Variants in SAMD12 observed in about 807,000 individuals in gnomAD.
SAMD12 encodes the protein sterile alpha motif domain containing 12, also known as sterile alpha motif domain-containing protein 12.
SAMD12 carries 9 observed loss-of-function variants against 15.0 expected under a neutral mutation model. The observed-to-expected ratio is 0.60, with a 90% CI of 0.36 to 1.05. SAMD12 has a LOEUF of 1.05. Among genes scored for constraint, SAMD12 ranks in the 50% least tolerant of loss-of-function variants. SAMD12 has a pLI of 0.01. For missense variants in SAMD12, 230 were observed against 234.2 expected (o/e 0.98, Z 0.12); for synonymous variants, 86 against 90.1 (o/e 0.96, Z 0.25).
chr8:118,474,682 C>T (rs1823904107), intron 2 of SAMD12, among the ~76,000 whole-genome samples: 1 of 128,306 alleles, frequency 7.8e-6, no homozygotes, highest in Non-Finnish European at 1.8e-5. Flanking sequence ...CCACCACGCC[C>T]AGCTTTAAAA....
chr8:118,520,366 T>C lies in SAMD12; in HGVS notation c.192+60349A>G, dbSNP rs369778922. ...AACTGGCAGGCATGGTAAGAGATCA[T>C]ACTGTACGGGTGTGAGATACTTGAA... On this transcript the variant is annotated intron_variant, in intron 2 of 3. Transcript: ENST00000314727. Among the ~76,000 whole-genome samples the C allele has an allele frequency of 2.5e-4, 38 of 152,290 alleles. No individual in the cohort carries two copies. The South Asian group carries it at 6.6e-3, about 27-fold the overall frequency.
At chr8:118,357,691 A>C (rs1818299960) in intron 4 of SAMD12, among the ~76,000 whole-genome samples, 2 of 152,232 alleles carry the variant, frequency 1.3e-5, no homozygotes, top group South Asian at 4.1e-4. Flanking sequence ...AAACTGAAAA[A>C]AATTCTTTAA....
At chr8:118,353,007 A>G (rs187445442) in intron 4 of SAMD12, among the ~76,000 whole-genome samples, 7 of 152,288 alleles carry the variant, frequency 4.6e-5, no homozygotes, top group African/African-American at 1.2e-4. Flanking sequence ...ATACAAGGAA[A>G]ATAAAAATCA....
At chr8:118,546,812 G>A (rs1826140188) in intron 2 of SAMD12, among the ~76,000 whole-genome samples, 2 of 152,122 alleles carry the variant, frequency 1.3e-5, no homozygotes, top group Admixed American at 1.3e-4. Context: ...CAGACTCATT[G>A]GGAACTGAGC....
intron 4 of SAMD12, among the ~76,000 whole-genome samples, chr8:118,220,224 C>T (rs914395003): frequency 6.6e-5 from 10 of 152,144 alleles, no homozygotes; most frequent in Admixed American, 3.3e-4. Context: ...ACAGTTCCAT[C>T]GTCGTGCTAT....
chr8:118,268,374 C>T (rs1319181866), intron 4 of SAMD12, among the ~76,000 whole-genome samples: 1 of 152,198 alleles, frequency 6.6e-6, no homozygotes, highest in Non-Finnish European at 1.5e-5. Context: ...ATGAAGTAAA[C>T]TATCATCATA....
At chr8:118,558,042 T>C (rs1462693021) in intron 2 of SAMD12, among the ~76,000 whole-genome samples, 1 of 152,230 alleles carries the variant, frequency 6.6e-6, no homozygotes, top group Non-Finnish European at 1.5e-5. Context: ...ATTTCATTTA[T>C]TCTTTACTAT....
intron 4 of SAMD12, among the ~76,000 whole-genome samples, chr8:118,279,877 G>C (rs925935743): frequency 2.0e-5 from 3 of 152,186 alleles, no homozygotes; most frequent in Non-Finnish European, 4.4e-5. Context: ...TCACTTTACT[G>C]AAGAGGTAGT....
In SAMD12 at chr8:118,580,752, G is replaced by A; in HGVS notation, c.155C>T (p.Thr52Ile). 1 of 1,613,220 alleles carries A rather than the reference G, an allele frequency of 6.2e-7. No homozygotes were observed. Among genetic ancestry groups the A allele is most frequent in the Non-Finnish European group, 8.5e-7 (1 of 1,179,348 alleles). Reference protein sequence around the residue: ...NFQKVPDQKGTPKRLQAEAET... With the variant: ...NFQKVPDQKGIPKRLQAEAET... ...AGCTTCTGCCTGCAGTCGCTTGGGAGTTCCTTTCTGGTCAGGCACCTTCTG... is the reference window on the plus strand; with the variant it reads ...AGCTTCTGCCTGCAGTCGCTTGGGAATTCCTTTCTGGTCAGGCACCTTCTG... Residue 52 changes from threonine to isoleucine, a missense_variant, in exon 2 of 4, where the codon ACT becomes ATT. By Grantham distance (89) the Thr-to-Ile change is moderately conservative. Coordinates refer to ENST00000314727, the MANE Select transcript of SAMD12 (RefSeq NM_207506.3).
intron 3 of SAMD12, among the ~76,000 whole-genome samples, chr8:118,410,809 G>A (rs964442526): frequency 6.6e-5 from 10 of 152,126 alleles, no homozygotes; most frequent in Non-Finnish European, 1.5e-4. Context: ...TGAAAATATG[G>A]CTCCTTTTCA....
chr8:118,552,100 G>A (rs752656288), intron 2 of SAMD12, among the ~76,000 whole-genome samples: 3,962 of 151,674 alleles, frequency 0.026, 135 homozygotes, highest in African/African-American at 0.069. Context: ...CCAGAGGTAC[G>A]AGGAGGAACT....
In SAMD12 at chr8:118,379,708, G is replaced by A. The variant is rs781129407; in HGVS notation, c.323-8C>T. 1.5e-5 allele frequency: 24 copies of A among 1,606,432 alleles called. No homozygotes were observed. The highest frequency in any genetic ancestry group is 2.0e-5 in the Non-Finnish European group (24 of 1,175,450). On this transcript the variant is annotated splice_polypyrimidine_tract_variant and splice_region_variant and intron_variant, in intron 3 of 3. Coordinates refer to ENST00000314727, the MANE Select transcript of SAMD12 (RefSeq NM_207506.3). ...GTCTCAGCAGGGCTCGCCCTGCAGG[G>A]TTTTAAGAAATAAAAGGAAAAGCAA...
rs193252730 is a variant in SAMD12, at chr8:118,391,215, T to A, written c.323-11515A>T. Among the ~76,000 whole-genome samples the A allele has an allele frequency of 2.3e-3, 348 of 152,356 alleles. 1 individual carries two copies. Among genetic ancestry groups the A allele is most frequent in the Middle Eastern group, 0.01 (3 of 294 alleles). On this transcript the variant is annotated intron_variant, in intron 3 of 3. Coordinates refer to ENST00000314727, the MANE Select transcript of SAMD12 (RefSeq NM_207506.3). ...GAAGACTCAGTAATTACTTGCCTTG[T>A]ACCTCAGAGCAGATTTTTCAAGCAA...
At chr8:118,551,648 C>G (rs1215687304) in intron 2 of SAMD12, among the ~76,000 whole-genome samples, 3 of 151,290 alleles carry the variant, frequency 2.0e-5, no homozygotes, top group Admixed American at 6.6e-5. Context: ...CATTCAAAAG[C>G]TAGCAGAAGG....
At chr8:118,326,390 A>T (rs1270224826) in intron 4 of SAMD12, among the ~76,000 whole-genome samples, 16 of 152,122 alleles carry the variant, frequency 1.1e-4, no homozygotes. Context: ...CTTGGGGAAG[A>T]TTATCTATTT....
At chr8:118,451,046 T>C (rs774740210) in intron 2 of SAMD12, among the ~76,000 whole-genome samples, 7 of 152,168 alleles carry the variant, frequency 4.6e-5, no homozygotes, top group African/African-American at 7.2e-5. Flanking sequence ...GTAAATCATC[T>C]TGAATTTTCC....
chr8:118,431,715 T>TGTGC (rs1563856377), intron 3 of SAMD12, among the ~76,000 whole-genome samples: 1 of 143,394 alleles, frequency 7.0e-6, no homozygotes, highest in Non-Finnish European at 1.6e-5. Context: ...TGTGTGTGTG[T>TGTGC]GTGTGTGTGT....
chr8:118,490,101 C>A (rs1017867388), intron 2 of SAMD12, among the ~76,000 whole-genome samples: 2 of 151,842 alleles, frequency 1.3e-5, no homozygotes, highest in Non-Finnish European at 2.9e-5. Flanking sequence ...TCATAGCATT[C>A]AAAAAAATAA....
At chr8:118,409,394 GATTT>G (rs1563837996) in intron 3 of SAMD12, among the ~76,000 whole-genome samples, 2 of 145,176 alleles carry the variant, frequency 1.4e-5, no homozygotes, top group South Asian at 4.3e-4. Context: ...GGTTTTTAAG[GATTT>G]ATTAGCCCAA....
Sources: gnomAD v4.1 joint callset for allele counts (sites outside exome capture counted in the v4.1 genomes callset) on GRCh38, gnomAD v4.1.1 for gene constraint, MANE v1.5 for transcripts, NCBI Gene and HGNC (gene_info 2026-07-23, HGNC 2026-07-21) for gene names.